Variants in LAMA3 observed in about 807,000 individuals in gnomAD.
LAMA3 encodes laminin subunit alpha 3.
LAMA3 carries 281 observed loss-of-function variants against 402.0 expected under a neutral mutation model. The ratio of observed to expected loss-of-function variants is 0.70; its 90% CI spans 0.63 to 0.77. The LOEUF (loss-of-function observed/expected upper bound fraction) is 0.77, where lower values mean the gene tolerates loss of function less well. LAMA3 is among the 30% of genes least tolerant of loss of function. LAMA3 has a pLI of 0.00. For synonymous variants in LAMA3, 1,431 were observed against 1,558.4 expected (o/e 0.92, Z 1.93); for missense variants, 3,840 against 4,215.5 (o/e 0.91, Z 2.47).
At chr18:23,908,864 A>G (rs942921251) in intron 54 of LAMA3, among the ~76,000 whole-genome samples, 19 of 152,258 alleles carry the variant, frequency 1.2e-4, no homozygotes, top group African/African-American at 4.3e-4. Context: ...GGACCATATG[A>G]GATTTCGTCA....
rs777197126 is a variant in LAMA3, at chr18:23,837,005, T to G, written c.3009T>G (p.Ile1003Met). 2.5e-6 allele frequency: 4 copies of G among 1,613,792 alleles called. No individual in the cohort carries two copies. The highest frequency in any genetic ancestry group is 1.3e-5 in the African/African-American group (1 of 74,938). ...GTGTTCTCTGCCGGAGTGCTGTGAT[T>G]GATCACATGAGCCGCATCGCCATGT... Reference protein sequence around the residue: ...NYSVLCRSAVIDHMSRIAMYE... With the variant: ...NYSVLCRSAVMDHMSRIAMYE... Residue 1003 changes from isoleucine (I) to methionine (M), a missense_variant, in exon 25 of 75, where the codon ATT becomes ATG. By Grantham distance (10) the Ile-to-Met change is conservative. Around this residue, in one of 3 missense-constraint regions of LAMA3, gnomAD observed 2,109 missense variants for 2,376.0 expected, o/e 0.89. Transcript: ENST00000313654.
intron 11 of LAMA3, among the ~76,000 whole-genome samples, chr18:23,782,506 T>C (rs1364103859): frequency 6.6e-5 from 10 of 152,098 alleles, no homozygotes; most frequent in Non-Finnish European, 1.3e-4. Context: ...TGAGCAGAGA[T>C]TGAGCCACTG....
intron 69 of LAMA3, among the ~76,000 whole-genome samples, chr18:23,944,285 T>C (rs1326659909): frequency 6.6e-6 from 1 of 152,224 alleles, no homozygotes; most frequent in African/African-American, 2.4e-5. Flanking sequence ...CTTCCCCTTA[T>C]GGCCAATTTC....
In LAMA3 at chr18:23,947,299, C is replaced by A. The variant is rs550292917; in HGVS notation, c.9351+1015C>A. On this transcript the variant is annotated intron_variant, in intron 70 of 74. Coordinates refer to ENST00000313654, the MANE Select transcript of LAMA3 (RefSeq NM_198129.4). ...TTTCTTGTCTCAGATTTGCCTTTCC[C>A]CCCACCCCACAAAGTTAAGTAAGAT... Among the ~76,000 whole-genome samples, 7 of 152,288 alleles carry A rather than the reference C, an allele frequency of 4.6e-5. 1 individual carries two copies. The South Asian group carries it at 1.4e-3, about 32-fold the overall frequency.
intron 65 of LAMA3, 119 bp downstream of exon 65, chr18:23,931,320 A>C: frequency 1.2e-6 from 1 of 834,234 alleles, no homozygotes; most frequent in South Asian, 1.4e-5. Context: ...TACTTCACTA[A>C]TAAGTCTTGT....
intron 2 of LAMA3, among the ~76,000 whole-genome samples, chr18:23,721,968 C>T (rs777299155): frequency 6.6e-6 from 1 of 152,214 alleles, no homozygotes; most frequent in Non-Finnish European, 1.5e-5. Context: ...GTGTGTTGTT[C>T]TCCCTGATTA....
intron 39 of LAMA3, among the ~76,000 whole-genome samples, chr18:23,876,976 G>A (rs184742217): frequency 3.3e-5 from 5 of 152,276 alleles, no homozygotes; most frequent in South Asian, 2.1e-4. Context: ...AGCCGAGATC[G>A]TGCCACTGCA....
chr18:23,824,977 G>C (rs1049446761), intron 21 of LAMA3, among the ~76,000 whole-genome samples: 1 of 152,088 alleles, frequency 6.6e-6, no homozygotes, highest in Non-Finnish European at 1.5e-5. Flanking sequence ...ACTTCACCTG[G>C]TTATTGTCTA....
At chr18:23,883,682 G>T (rs913065702) in intron 40 of LAMA3, among the ~76,000 whole-genome samples, 3 of 152,208 alleles carry the variant, frequency 2.0e-5, no homozygotes, top group African/African-American at 7.2e-5. Context: ...TTTGTCAAGG[G>T]ATCAATCACA....
chr18:23,775,719 G>C, intron 9 of LAMA3, 73 bp from the exon 10 acceptor site: 1 of 1,548,524 alleles, frequency 6.5e-7, no homozygotes, highest in Non-Finnish European at 8.9e-7. Flanking sequence ...CGTTGCCTGG[G>C]AAGTGTTGGA....
At chr18:23,891,240 G>A (rs1320155568) in intron 42 of LAMA3, among the ~76,000 whole-genome samples, 1 of 152,210 alleles carries the variant, frequency 6.6e-6, no homozygotes, top group Admixed American at 6.5e-5. Context: ...AGAACATATA[G>A]TGAGGCCTGG....
At chr18:23,809,132 C>T (rs185979395) in intron 12 of LAMA3, among the ~76,000 whole-genome samples, 2 of 152,304 alleles carry the variant, frequency 1.3e-5, no homozygotes, top group East Asian at 3.9e-4. Flanking sequence ...GTGAACACTT[C>T]CTGAGCATTT....
intron 64 of LAMA3, among the ~76,000 whole-genome samples, chr18:23,929,422 T>A (rs879364089): frequency 1.3e-5 from 2 of 152,262 alleles, no homozygotes; most frequent in Non-Finnish European, 2.9e-5. Flanking sequence ...TGATTATTTC[T>A]GAATTTGTTT....
chr18:23,943,814 C>T lies in LAMA3; in HGVS notation c.9053C>T (p.Thr3018Ile), dbSNP rs759892834. The change falls in exon 69 of 75, where the codon ACA (threonine) becomes ATA (isoleucine). Residue 3018 changes from threonine (T) to isoleucine (I), a missense_variant. Coordinates refer to ENST00000313654, the MANE Select transcript of LAMA3 (RefSeq NM_198129.4). ...PRSQFAVDMQ[T>I]TSSRGLVFHT... is the part of the protein sequence containing the mutation. ...TCACAGTTTGCTGTGGACATGCAGA[C>T]AACATCCTCCAGAGGACTGGTGTTT... 2.1e-5 allele frequency: 34 copies of T among 1,613,884 alleles called. No individual in the cohort carries two copies. Among genetic ancestry groups the T allele is most frequent in the African/African-American group, 5.3e-5 (4 of 74,928 alleles).
intron 1 of LAMA3, among the ~76,000 whole-genome samples, chr18:23,707,171 G>T (rs771649729): frequency 6.6e-6 from 1 of 152,232 alleles, no homozygotes; most frequent in African/African-American, 2.4e-5. Context: ...TGGGTTGTCA[G>T]TTGGGGTAAC....
chr18:23,767,952 C>T (rs781180815), intron 8 of LAMA3, among the ~76,000 whole-genome samples: 4 of 152,088 alleles, frequency 2.6e-5, no homozygotes, highest in Non-Finnish European at 4.4e-5. Flanking sequence ...GGACCCCTAC[C>T]TTTCACCATA....
chr18:23,693,367 A>G (rs910256774), intron 1 of LAMA3, among the ~76,000 whole-genome samples: 2 of 152,136 alleles, frequency 1.3e-5, no homozygotes, highest in Admixed American at 1.3e-4. Flanking sequence ...ACTGGTTTTT[A>G]TGTTTACATA....
At chr18:23,902,839 C>T (rs755351555) in intron 48 of LAMA3, among the ~76,000 whole-genome samples, 170 bp from the exon 49 acceptor site, 3 of 152,192 alleles carry the variant, frequency 2.0e-5, no homozygotes, top group Non-Finnish European at 4.4e-5. Context: ...GACGTACCTC[C>T]ACTACAAAAA....
At chr18:23,698,576 A>C (rs1439060817) in intron 1 of LAMA3, among the ~76,000 whole-genome samples, 1 of 152,014 alleles carries the variant, frequency 6.6e-6, no homozygotes, top group African/African-American at 2.4e-5. Context: ...CTTCATTTGG[A>C]CTCATTGTCT....
Sources: gnomAD v4.1 joint callset for allele counts (sites outside exome capture counted in the v4.1 genomes callset) on GRCh38, gnomAD v4.1.1 for gene constraint, gnomAD v4.1.1 regional missense constraint, MANE v1.5 for transcripts, NCBI Gene and HGNC (gene_info 2026-07-23, HGNC 2026-07-21) for gene names.